The following XG variants were observed in gnomAD, a reference collection of about 807,000 sequenced individuals.
XG encodes the protein Xg glycoprotein (Xg blood group), also known as glycoprotein Xg.
In XG, 24 loss-of-function variants were observed where a neutral mutation model predicts 25.7. The ratio of observed to expected loss-of-function variants is 0.93; its 90% CI spans 0.68 to 1.31. The LOEUF (loss-of-function observed/expected upper bound fraction) is 1.31, where lower values mean the gene tolerates loss of function less well. XG is among the 40% of genes most tolerant of loss of function. XG has a pLI of 0.00. For missense variants in XG, 181 were observed against 187.6 expected, an observed-to-expected ratio of 0.96 and a Z score of 0.21; for synonymous variants, 77 against 69.2, an observed-to-expected ratio of 1.11 and a Z score of -0.56.
At chrX:2,766,918 G>A (rs1384661697) in intron 1 of XG, among the ~76,000 whole-genome samples, 6 of 152,018 alleles carry the variant, frequency 3.9e-5, no homozygotes, top group African/African-American at 1.4e-4. Flanking sequence ...CCTGTTTTTA[G>A]GTTTTATGGC....
chrX:2,759,020 GTATC>G (rs2050499924), intron 1 of XG, among the ~76,000 whole-genome samples: 1 of 76,406 alleles, frequency 1.3e-5, no homozygotes, highest in Non-Finnish European at 2.8e-5. Context: ...ATGTATCTAT[GTATC>G]TATCTATGTA....
rs143700967 is a variant in XG at position 2,814,693 on chromosome X, T to C, written c.*313T>C. 0.011 allele frequency: 2,679 copies of C among 248,504 alleles called. 71 individuals carry two copies. Among genetic ancestry groups the C allele is most frequent in the African/African-American group, 0.068 (2,387 of 34,999 alleles). The allele number at this position is 248,504 out of a possible 1,213,427, so 20.5% of individuals were successfully genotyped here. ...GATCTTCAGCTACCTCATGGTGCAATAACACACACACGCTTAACCATGTTG... is the reference window on the plus strand; with the variant it reads ...GATCTTCAGCTACCTCATGGTGCAACAACACACACACGCTTAACCATGTTG... On this transcript the variant is annotated 3_prime_UTR_variant, in exon 11 of 11. Transcript: ENST00000644266.
intron 2 of XG, among the ~76,000 whole-genome samples, chrX:2,774,243 G>A (rs1392280230): frequency 4.6e-5 from 7 of 151,992 alleles, no homozygotes; most frequent in Non-Finnish European, 8.8e-5. Flanking sequence ...CACTAAGCAG[G>A]GCAGTCACAG....
chrX:2,768,459 A>G (rs1461314142), intron 1 of XG, among the ~76,000 whole-genome samples: 1 of 152,130 alleles, frequency 6.6e-6, no homozygotes, highest in Non-Finnish European at 1.5e-5. Context: ...AGCAGCTTGG[A>G]CCATGATGAT....
chrX:2,763,715 C>T (rs983137309), intron 1 of XG, among the ~76,000 whole-genome samples: 13 of 152,176 alleles, frequency 8.5e-5, no homozygotes, highest in African/African-American at 1.2e-4. Context: ...TAACCTCTGC[C>T]TCCTTGCCAT....
At chrX:2,762,272 A>C (rs2050582632) in intron 1 of XG, among the ~76,000 whole-genome samples, 1 of 152,188 alleles carries the variant, frequency 6.6e-6, no homozygotes, top group South Asian at 2.1e-4. Context: ...ACAGACAGAC[A>C]CTGAGGCCTG....
At chrX:2,771,112 TCAAAACA>T (rs1362461032) in intron 2 of XG, among the ~76,000 whole-genome samples, 65 of 152,238 alleles carry the variant, frequency 4.3e-4, no homozygotes, top group Non-Finnish European at 9.3e-4. Context: ...CCTTGGTTTC[TCAAAACA>T]CTGGGATTAC....
At chrX:2,757,499 A>C (rs2050460372) in intron 1 of XG, among the ~76,000 whole-genome samples, 1 of 151,902 alleles carries the variant, frequency 6.6e-6, no homozygotes, top group African/African-American at 2.4e-5. Flanking sequence ...CTGTGTTTCT[A>C]TGTAAAGACT....
At chrX:2,774,843 G>C (rs2050940276) in intron 3 of XG, 104 bp downstream of exon 3, 2 of 1,435,256 alleles carry the variant, frequency 1.4e-6, no homozygotes, top group Admixed American at 1.7e-5. Flanking sequence ...GTATATGAAA[G>C]AGATGCAACA....
At chrX:2,759,174 A>T (rs1041309978) in intron 1 of XG, among the ~76,000 whole-genome samples, 5 of 152,152 alleles carry the variant, frequency 3.3e-5, no homozygotes, top group African/African-American at 7.2e-5. Flanking sequence ...TGGTAGTTGC[A>T]CTGGGATGGG....
In XG at chrX:2,815,959, T is replaced by C. The variant is rs181564232; in HGVS notation, c.*1579T>C. ...TTGATTATTGAATAGTTTTTTTCTA[T>C]ATTTCACAAATAAATTGTATGAAAT... On this transcript the variant is annotated 3_prime_UTR_variant, in exon 11 of 11. Transcript: ENST00000644266. The C allele has an allele frequency of 5.3e-5, 6 of 112,532 alleles. No individual in the cohort carries two copies. The East Asian group carries it at 1.7e-3, about 31-fold the overall frequency. The allele number at this position is 112,532 out of a possible 1,213,427, so 9.3% of individuals were successfully genotyped here. A position where few individuals can be genotyped will look rare whatever the true frequency, so the allele number is the denominator to read the frequency against.
intron 4 of XG, among the ~76,000 whole-genome samples, chrX:2,788,088 GA>G (rs753703061): frequency 1.2e-3 from 121 of 102,940 alleles, no homozygotes; most frequent in African/African-American, 4.9e-3. Context: ...TGTCTCAAGA[GA>G]GAGAGAAAGG....
intron 3 of XG, among the ~76,000 whole-genome samples, chrX:2,778,458 T>A (rs768040725): frequency 1.5e-3 from 223 of 151,978 alleles, no homozygotes; most frequent in African/African-American, 5.2e-3. Context: ...GGTGGGAGGA[T>A]CACCTGTGCC....
At chrX:2,764,222 G>A (rs2050626392) in intron 1 of XG, among the ~76,000 whole-genome samples, 4 of 152,188 alleles carry the variant, frequency 2.6e-5, no homozygotes, top group African/African-American at 9.7e-5. Context: ...GAGGAGGCAT[G>A]AATGGGCCAC....
chrX:2,760,948 T>G lies in XG; in HGVS notation c.61+8613T>G, dbSNP rs748382362. Among the ~76,000 whole-genome samples, 32 of 152,188 alleles carry G rather than the reference T, an allele frequency of 2.1e-4. 1 individual carries two copies. In the East Asian group the frequency reaches 6.0e-3, roughly 29 times the overall value. Reference sequence around the variant, plus strand: ...AACCAGCCCTGCCCACACCTTGATCTCAGACTTCCAGCTTCCAGGCCTGTG... The same window carrying G: ...AACCAGCCCTGCCCACACCTTGATCGCAGACTTCCAGCTTCCAGGCCTGTG... On this transcript the variant is annotated intron_variant, in intron 1 of 10. Coordinates refer to ENST00000644266, the MANE Select transcript of XG (RefSeq NM_001141919.2).
chrX:2,755,126 C>T (rs1265593101), intron 1 of XG, among the ~76,000 whole-genome samples: 1 of 152,114 alleles, frequency 6.6e-6, no homozygotes, highest in Non-Finnish European at 1.5e-5. Context: ...GGAAAGGGGT[C>T]CGGATCCAGA....
intron 3 of XG, among the ~76,000 whole-genome samples, chrX:2,781,234 T>G (rs5982851): frequency 0.28 from 42,450 of 150,816 alleles, 6,923 homozygotes; most frequent in African/African-American, 0.51. Context: ...AAATAATGAA[T>G]GAATTCTTAA....
intron 4 of XG, among the ~76,000 whole-genome samples, chrX:2,788,354 C>A (rs761101832): frequency 1.2e-4 from 13 of 112,599 alleles, no homozygotes; most frequent in Non-Finnish European, 2.2e-4. Context: ...GCTGAAGATA[C>A]AGACTCATGT....
At chrX:2,800,270 C>T (rs1295287176) in intron 7 of XG, among the ~76,000 whole-genome samples, 2 of 110,665 alleles carry the variant, frequency 1.8e-5, no homozygotes, top group African/African-American at 3.3e-5. Flanking sequence ...CGCTCAGAGA[C>T]GACCATGGTA....
Sources: allele counts gnomAD v4.1 joint callset (sites outside exome capture counted in the v4.1 genomes callset), GRCh38; gene constraint gnomAD v4.1.1; transcripts MANE v1.5; gene names NCBI Gene and HGNC (gene_info 2026-07-23, HGNC 2026-07-21).